ITGB8: variants seen among roughly 807,000 people sequenced by gnomAD.
ITGB8 encodes integrin beta-8.
In ITGB8, 30 loss-of-function variants were observed where a neutral mutation model predicts 89.5. That is an observed-to-expected ratio of 0.34 (90% CI 0.25 to 0.45). The LOEUF (loss-of-function observed/expected upper bound fraction) is 0.45, where lower values mean the gene tolerates loss of function less well. Among genes scored for constraint, ITGB8 ranks in the 20% least tolerant of loss-of-function variants. The pLI is 1.00. For synonymous variants in ITGB8, 335 were observed against 320.4 expected (o/e 1.05, Z -0.49); for missense variants, 836 against 933.3 (o/e 0.90, Z 1.36).
chr7:20,385,916 A>G (rs1786593346), intron 6 of ITGB8, among the ~76,000 whole-genome samples: 1 of 152,236 alleles, frequency 6.6e-6, no homozygotes, highest in South Asian at 2.1e-4. Context: ...ATCAGACAGA[A>G]TTCCATGTGA....
At chr7:20,350,094 G>C (rs1162734847) in intron 1 of ITGB8, among the ~76,000 whole-genome samples, 1 of 152,084 alleles carries the variant, frequency 6.6e-6, no homozygotes, top group Non-Finnish European at 1.5e-5. Context: ...AGGGATTTTG[G>C]TGCCCCTTTT....
In ITGB8 at chr7:20,376,125, C is replaced by A. The variant is rs79356652; in HGVS notation, c.389-2926C>A. 1.0e-3 allele frequency among the ~76,000 whole-genome samples: 156 copies of A among 152,182 alleles called. 1 individual carries two copies. The South Asian group carries it at 0.027, about 27-fold the overall frequency. On this transcript the variant is annotated intron_variant, in intron 3 of 13. Coordinates refer to ENST00000222573, the MANE Select transcript of ITGB8 (RefSeq NM_002214.3). Reference sequence around the variant, plus strand: ...AACCAATGGATATTGCCATTAAGCACGTGATGAAACTGAGGGTGCTGTCCC... The same window carrying A: ...AACCAATGGATATTGCCATTAAGCAAGTGATGAAACTGAGGGTGCTGTCCC...
chr7:20,337,942 A>G (rs934226217), intron 1 of ITGB8, among the ~76,000 whole-genome samples: 8 of 152,240 alleles, frequency 5.3e-5, no homozygotes, highest in Non-Finnish European at 1.2e-4. Flanking sequence ...ATCCTAGGTG[A>G]AGATGGCCAA....
intron 7 of ITGB8, among the ~76,000 whole-genome samples, chr7:20,392,605 T>C (rs1786907715): frequency 6.7e-6 from 1 of 150,076 alleles, no homozygotes; most frequent in Admixed American, 6.6e-5. Flanking sequence ...AAGTCAGGGC[T>C]TTCAGGGTGT....
chr7:20,394,622 C>T (rs1786995486), intron 7 of ITGB8, among the ~76,000 whole-genome samples: 1 of 152,196 alleles, frequency 6.6e-6, no homozygotes. Context: ...TTGGGAGATG[C>T]TCATCTGCAT....
intron 1 of ITGB8, among the ~76,000 whole-genome samples, chr7:20,359,362 T>C (rs1249211325): frequency 6.6e-6 from 1 of 152,188 alleles, no homozygotes; most frequent in Non-Finnish European, 1.5e-5. Context: ...ATAAGGTGCA[T>C]ATTGCAACAT....
chr7:20,397,665 G>A (rs717862), intron 8 of ITGB8, among the ~76,000 whole-genome samples: 103,429 of 151,676 alleles, frequency 0.68, 36,407 homozygotes, highest in East Asian at 0.99. Flanking sequence ...GATTTACCAA[G>A]ATTATACAAT....
At chr7:20,376,053 T>TC (rs1306252524) in intron 3 of ITGB8, among the ~76,000 whole-genome samples, 1 of 152,104 alleles carries the variant, frequency 6.6e-6, no homozygotes, top group African/African-American at 2.4e-5. Flanking sequence ...GAGCAATCAT[T>TC]CCCCTTCCCT....
intron 3 of ITGB8, among the ~76,000 whole-genome samples, chr7:20,377,077 A>T (rs1786181021): frequency 6.6e-6 from 1 of 152,056 alleles, no homozygotes; most frequent in African/African-American, 2.4e-5. Context: ...ATTTGGTTGG[A>T]GGGCCCTGAA....
chr7:20,369,391 C>T (rs1348217012), intron 3 of ITGB8, among the ~76,000 whole-genome samples: 1 of 152,152 alleles, frequency 6.6e-6, no homozygotes, highest in African/African-American at 2.4e-5. Flanking sequence ...TGAGAGGTCT[C>T]ATCCTGGCTT....
At chr7:20,354,738 AGAAAACTTTTTT>A (rs1238990814) in intron 1 of ITGB8, among the ~76,000 whole-genome samples, 1 of 152,238 alleles carries the variant, frequency 6.6e-6, no homozygotes. Flanking sequence ...AAGGAAAACA[AGAAAACTTTTTT>A]GAAAACTTTC....
Position 20,353,361 on chromosome 7 carries a change from A to T in ITGB8, c.128-10276A>T, listed in dbSNP as rs999951814. 2.0e-5 allele frequency: 3 copies of T among 152,214 alleles called. No individual in the cohort carries two copies. In the South Asian group the frequency reaches 6.2e-4, roughly 32 times the overall value. The allele number at this position is 152,214 out of a possible 1,614,324, so 9.4% of individuals were successfully genotyped here. A position where few individuals can be genotyped will look rare whatever the true frequency, so the allele number is the denominator to read the frequency against. Reference sequence around the variant, plus strand: ...TAATAAAAGCCTTAAAAACCTACCTATTGAGAACCAAAGATATTTAGTGCT... The same window carrying T: ...TAATAAAAGCCTTAAAAACCTACCTTTTGAGAACCAAAGATATTTAGTGCT... On this transcript the variant is annotated intron_variant, in intron 1 of 13. Transcript: ENST00000222573.
At chr7:20,329,925 A>G (rs953042993), upstream of ITGB8, 3 of 152,224 alleles carry the variant, frequency 2.0e-5, no homozygotes, top group Non-Finnish European at 4.4e-5. Context: ...GTTGCCCAGC[A>G]TAACACCCGC....
intron 12 of ITGB8, among the ~76,000 whole-genome samples, chr7:20,406,524 T>C (rs1449986466): frequency 6.9e-6 from 1 of 145,712 alleles, no homozygotes; most frequent in Non-Finnish European, 1.5e-5. Context: ...CATTGCAGCC[T>C]GGGCAACAAG....
chr7:20,331,761 C>A lies in ITGB8; in HGVS notation c.-46C>A, dbSNP rs758003880. The A allele has an allele frequency of 6.3e-7, 1 of 1,586,424 alleles. No homozygotes were observed. The highest frequency in any genetic ancestry group is 1.1e-5 in the South Asian group (1 of 88,358). On this transcript the variant is annotated 5_prime_UTR_variant, in exon 1 of 14. Transcript: ENST00000222573. The stretch of plus-strand genomic sequence containing the variant: ...GCGCCCGGGAGGCGCGAGCCCGCGT[C>A]CGGAAGGCAGTCAGGCGGCGGGCGC...
chr7:20,382,552 A>C (rs1786441752), intron 6 of ITGB8, among the ~76,000 whole-genome samples: 1 of 152,168 alleles, frequency 6.6e-6, no homozygotes, highest in Admixed American at 6.5e-5. Context: ...TCTGATGTTG[A>C]CACTTATTTA....
chr7:20,406,434 C>T (rs1787546462), intron 12 of ITGB8, among the ~76,000 whole-genome samples: 1 of 152,002 alleles, frequency 6.6e-6, no homozygotes, highest in Admixed American at 6.6e-5. Flanking sequence ...CCTGTAGTCC[C>T]ACCTACTCAG....
Position 20,410,094 on chromosome 7 carries a change from A to T in ITGB8, c.*97A>T. On this transcript the variant is annotated 3_prime_UTR_variant, in exon 14 of 14. Transcript: ENST00000222573. The stretch of plus-strand genomic sequence containing the variant: ...AGTCACAGGAGGAGACAAATTGCTC[A>T]CGGTCATGCCAGTTGCTGGTTGTAC... 1 of 1,249,866 alleles carries T rather than the reference A, an allele frequency of 8.0e-7. No homozygotes were observed. The highest frequency in any genetic ancestry group is 2.3e-5 in the East Asian group (1 of 42,644). The allele number at this position is 1,249,866 out of a possible 1,614,324, so 77.4% of individuals were successfully genotyped here. A position where few individuals can be genotyped will look rare whatever the true frequency, so the allele number is the denominator to read the frequency against.
At position 20,410,704 on chromosome 7, in the gene ITGB8, TGGATTAATTAA is replaced by T; in HGVS notation, c.*709_*719del. On this transcript the variant is annotated 3_prime_UTR_variant, in exon 14 of 14. Transcript: ENST00000222573. Reference sequence around the variant, plus strand: ...TAAGTTTATGTATGTCACAGATGACTGGATTAATTAAGTGCTAAGTTACTACTGCCATAAAA... The same window carrying T: ...TAAGTTTATGTATGTCACAGATGACTGTGCTAAGTTACTACTGCCATAAAA... 1 of 152,670 alleles carries T rather than the reference TGGATTAATTAA, an allele frequency of 6.6e-6. No individual in the cohort carries two copies. Among genetic ancestry groups the T allele is most frequent in the African/African-American group, 2.4e-5 (1 of 41,468 alleles). The allele number at this position is 152,670 out of a possible 1,614,324, so 9.5% of individuals were successfully genotyped here.
Sources: allele counts gnomAD v4.1 joint callset (sites outside exome capture counted in the v4.1 genomes callset), GRCh38; gene constraint gnomAD v4.1.1; transcripts MANE v1.5; gene names NCBI Gene and HGNC (gene_info 2026-07-23, HGNC 2026-07-21).